DZIP1L: variants seen among roughly 807,000 people sequenced by gnomAD.
DZIP1L encodes the protein cilium assembly protein DZIP1L.
Under a neutral mutation model 88.7 loss-of-function variants are expected in DZIP1L, and 90 were observed. That is an observed-to-expected ratio of 1.02 (90% CI 0.86 to 1.21). DZIP1L has a LOEUF of 1.21. DZIP1L is among the 50% of genes most tolerant of loss of function. The pLI, the probability that DZIP1L is intolerant of heterozygous loss-of-function variation, is 0.00. For missense variants in DZIP1L, 932 were observed against 955.8 expected (o/e 0.98, Z 0.33); for synonymous variants, 363 against 372.1 (o/e 0.98, Z 0.28).
At chr3:138,102,456 CAG>C (rs2042350113) in intron 2 of DZIP1L, 4 of 1,448,246 alleles carry the variant, frequency 2.8e-6, no homozygotes, top group Non-Finnish European at 2.9e-6. Flanking sequence ...TCTCCTGGCC[CAG>C]AGTCTCCAGC....
In DZIP1L at chr3:138,102,385, T is replaced by C. The variant is rs1348510553; in HGVS notation, c.501+1086A>G. On this transcript the variant is annotated intron_variant, in intron 2 of 15. Coordinates refer to ENST00000327532, the MANE Select transcript of DZIP1L (RefSeq NM_173543.3). ...TGCTTATTGATCTCATCCTCATACT[T>C]GTTCTCGAAGTCCTCCACCCAGCCC... The C allele has an allele frequency of 3.2e-6, 4 of 1,245,200 alleles. No individual in the cohort carries two copies. The Admixed American group carries it at 6.7e-5, about 21-fold the overall frequency. The allele number at this position is 1,245,200 out of a possible 1,614,324, so 77.1% of individuals were successfully genotyped here.
intron 11 of DZIP1L, among the ~76,000 whole-genome samples, chr3:138,072,165 A>C (rs1943212726): frequency 6.6e-6 from 1 of 152,242 alleles, no homozygotes; most frequent in African/African-American, 2.4e-5. Context: ...TCCTAGGATA[A>C]GAGACCACAG....
At chr3:138,100,134 A>G (rs1035572131) in intron 2 of DZIP1L, among the ~76,000 whole-genome samples, 5 of 152,072 alleles carry the variant, frequency 3.3e-5, no homozygotes, top group Non-Finnish European at 7.4e-5. Flanking sequence ...AGGCATGGGT[A>G]GAGGGTTGGA....
At chr3:138,085,973 T>C (rs1943913281) in intron 7 of DZIP1L, among the ~76,000 whole-genome samples, 1 of 152,080 alleles carries the variant, frequency 6.6e-6, no homozygotes, top group East Asian at 1.9e-4. Flanking sequence ...TGGATGAAAT[T>C]GGAAATCATC....
At chr3:138,078,531 A>T (rs1357800957) in intron 10 of DZIP1L, among the ~76,000 whole-genome samples, 6 of 152,236 alleles carry the variant, frequency 3.9e-5, no homozygotes, top group Non-Finnish European at 7.3e-5. Flanking sequence ...TAGATATTCT[A>T]ATAAACAGCG....
chr3:138,089,262 A>G (rs1482695616), intron 5 of DZIP1L: 1 of 985,298 alleles, frequency 1.0e-6, no homozygotes, highest in African/African-American at 1.7e-5. Context: ...AACAATTTCT[A>G]AACTCCCTGA....
Position 138,063,805 on chromosome 3 carries a change from G to A in DZIP1L, c.2142+823C>T, listed in dbSNP as rs1942781084. ...ATGCATTACTCACAAACATACAGGAGCTGTGTGGTAAACCAAACACACTGT... is the reference window on the plus strand; with the variant it reads ...ATGCATTACTCACAAACATACAGGAACTGTGTGGTAAACCAAACACACTGT... On this transcript the variant is annotated intron_variant, in intron 15 of 15. Coordinates refer to ENST00000327532, the MANE Select transcript of DZIP1L (RefSeq NM_173543.3). The surrounding 1 kb of genome is among the most constrained non-coding windows in gnomAD (Gnocchi z 4.1). 6.6e-6 allele frequency among the ~76,000 whole-genome samples: 1 copy of A among 152,230 alleles called. No individual in the cohort carries two copies. Among genetic ancestry groups the A allele is most frequent in the African/African-American group, 2.4e-5 (1 of 41,450 alleles).
At chr3:138,086,617 G>A (rs1943952757) in intron 7 of DZIP1L, among the ~76,000 whole-genome samples, 1 of 152,160 alleles carries the variant, frequency 6.6e-6, no homozygotes. Flanking sequence ...TCAAAGAAGA[G>A]CCCAAACGTG....
chr3:138,074,641 C>T (rs1201399577), intron 11 of DZIP1L, among the ~76,000 whole-genome samples: 2 of 150,748 alleles, frequency 1.3e-5, no homozygotes, highest in Non-Finnish European at 2.9e-5. Context: ...AGGTTTGTTA[C>T]ACATGTATAC....
chr3:138,085,596 G>A (rs1211913164), intron 7 of DZIP1L, among the ~76,000 whole-genome samples: 1 of 152,158 alleles, frequency 6.6e-6, no homozygotes, highest in Admixed American at 6.5e-5. Context: ...TCATTAAAAA[G>A]TCAGGAAACA....
In DZIP1L at chr3:138,086,996, C is replaced by G; in HGVS notation, c.1027G>C (p.Glu343Gln). The change falls in exon 7 of 16, where the codon GAA becomes CAA. Residue 343 changes from glutamate (E) to glutamine (Q), a missense_variant. Coordinates refer to ENST00000327532, the MANE Select transcript of DZIP1L (RefSeq NM_173543.3). The part of the protein sequence containing the change: ...QKTEWKRKVK[E>Q]LHEEHMAEKK... ...TCAGCCATGTGCTCTTCATGCAGTTCCTTCACTTTTCTTTTCCACTCCGTT... is the reference window on the plus strand; with the variant it reads ...TCAGCCATGTGCTCTTCATGCAGTTGCTTCACTTTTCTTTTCCACTCCGTT... 16 of 1,614,072 alleles carry G rather than the reference C, an allele frequency of 9.9e-6. No individual in the cohort carries two copies. Among genetic ancestry groups the G allele is most frequent in the Non-Finnish European group, 1.3e-5 (15 of 1,179,998 alleles).
rs1469532425 is a variant in DZIP1L at position 138,103,390 on chromosome 3, G to T, written c.501+81C>A. ...CCCCAGCAGCCTTAAGGTCCCAGCAGTGCTGCCCAGTGGCAACAGTTGCCC... is the reference window on the plus strand; with the variant it reads ...CCCCAGCAGCCTTAAGGTCCCAGCATTGCTGCCCAGTGGCAACAGTTGCCC... On this transcript the variant is annotated intron_variant, in intron 2 of 15. Coordinates refer to ENST00000327532, the MANE Select transcript of DZIP1L (RefSeq NM_173543.3). The T allele has an allele frequency of 6.5e-5, 96 of 1,472,634 alleles. 1 individual carries two copies. In the South Asian group the frequency reaches 1.0e-3, roughly 16 times the overall value. 91.2% of individuals were successfully genotyped at this position (1,472,634 alleles called of 1,614,324 possible).
chr3:138,103,668 C>T lies in DZIP1L; in HGVS notation c.304G>A (p.Asp102Asn), dbSNP rs1260271300. The change falls in exon 2 of 16, where the codon GAT (aspartate) becomes AAT (asparagine). Residue 102 changes from aspartate (D) to asparagine (N), a missense_variant. Coordinates refer to ENST00000327532, the MANE Select transcript of DZIP1L (RefSeq NM_173543.3). Reference protein sequence around the residue: ...LIIEYLLHCQDCLSASVAQLE... With the variant: ...LIIEYLLHCQNCLSASVAQLE... ...TGGGCAACACTGGCACTCAGGCAATCCTGGCAGTGCAGCAGGTACTCAATG... is the reference window on the plus strand; with the variant it reads ...TGGGCAACACTGGCACTCAGGCAATTCTGGCAGTGCAGCAGGTACTCAATG... The T allele has an allele frequency of 1.9e-6, 3 of 1,609,922 alleles. No individual in the cohort carries two copies. In the African/African-American group the frequency reaches 4.0e-5, roughly 21 times the overall value.
rs1372523628 is a variant in DZIP1L, at chr3:138,102,360, T to C, written c.501+1111A>G. 3.4e-6 allele frequency: 4 copies of C among 1,186,508 alleles called. No homozygotes were observed. The East Asian group carries it at 9.3e-5, about 28-fold the overall frequency. 73.5% of individuals were successfully genotyped at this position (1,186,508 alleles called of 1,614,324 possible). On this transcript the variant is annotated intron_variant, in intron 2 of 15. Coordinates refer to ENST00000327532, the MANE Select transcript of DZIP1L (RefSeq NM_173543.3). ...GGCAAATTTATTCTCCATCTTTGTA[T>C]GCTTATTGATCTCATCCTCATACTT...
intron 5 of DZIP1L, among the ~76,000 whole-genome samples, chr3:138,090,154 A>C: frequency 1.3e-5 from 2 of 151,932 alleles, no homozygotes; most frequent in East Asian, 3.9e-4. Flanking sequence ...AAATAAATAA[A>C]TAAATAAATA....
rs778806584 is a variant in DZIP1L, at chr3:138,064,403, TTATA to T, written c.2142+221_2142+224del. ...ACAATCAAAACTTACTGAGCATTGC[TTATA>T]TAATGAACCAAAAGGCTTTTTAATG... On this transcript the variant is annotated intron_variant, in intron 15 of 15. Transcript: ENST00000327532. 1.3e-5 allele frequency: 19 copies of T among 1,444,130 alleles called. 1 individual carries two copies. In the African/African-American group the frequency reaches 2.7e-4, roughly 21 times the overall value. The allele number at this position is 1,444,130 out of a possible 1,614,324, so 89.5% of individuals were successfully genotyped here. A position where few individuals can be genotyped will look rare whatever the true frequency, so the allele number is the denominator to read the frequency against.
intron 12 of DZIP1L, among the ~76,000 whole-genome samples, chr3:138,070,087 C>T (rs901093579): frequency 3.3e-5 from 5 of 152,290 alleles, no homozygotes; most frequent in East Asian, 1.9e-4. Context: ...TTTGCTTTCT[C>T]TTGGAAGCCA....
At chr3:138,097,946 G>T (rs1944558950) in intron 2 of DZIP1L, 99 bp from the exon 3 acceptor site, 1 of 968,766 alleles carries the variant, frequency 1.0e-6, no homozygotes, top group South Asian at 1.5e-5. Flanking sequence ...GGGACCCCTG[G>T]GCTGCTTCAG....
At chr3:138,081,841 T>C in intron 8 of DZIP1L, 77 bp from the exon 9 acceptor site, 3 of 1,503,584 alleles carry the variant, frequency 2.0e-6, no homozygotes, top group Non-Finnish European at 1.8e-6. Context: ...AGTGTCTGCC[T>C]AGCACAGTGA....
Sources: allele counts gnomAD v4.1 joint callset (sites outside exome capture counted in the v4.1 genomes callset), GRCh38; gene constraint gnomAD v4.1.1; non-coding constraint Gnocchi (gnomAD v3.1); transcripts MANE v1.5; gene names NCBI Gene and HGNC (gene_info 2026-07-23, HGNC 2026-07-21).